Variants in POU2AF1 observed in about 807,000 individuals in gnomAD.
The protein encoded by POU2AF1 is POU class 2 homeobox associating factor 1, also known as POU domain class 2-associating factor 1.
A neutral mutation model predicts 26.3 loss-of-function variants in POU2AF1; 12 were observed. That is an observed-to-expected ratio of 0.46 (90% CI 0.29 to 0.74). POU2AF1 has a LOEUF of 0.74. Ranked by LOEUF, POU2AF1 falls within the 30% of genes least tolerant of loss-of-function variation. The pLI is 0.09. For synonymous variants in POU2AF1, 175 were observed against 148.0 expected (o/e 1.18, Z -1.32); for missense variants, 297 against 334.5 (o/e 0.89, Z 0.87).
In POU2AF1 at chr11:111,368,239, C is replaced by T. The variant is rs74531518; in HGVS notation, c.17-9321G>A. On this transcript the variant is annotated intron_variant, in intron 1 of 4. Coordinates refer to ENST00000393067, the MANE Select transcript of POU2AF1 (RefSeq NM_006235.3). ...GCTTGAACAAGCAGCAAACTGGGGC[C>T]CCAAGTCTGTAGAGACTGTATAGAG... Among the ~76,000 whole-genome samples the T allele has an allele frequency of 7.5e-3, 1,143 of 152,266 alleles. 19 individuals are homozygous for T. The highest frequency in any genetic ancestry group is 0.026 in the African/African-American group (1,086 of 41,554).
At chr11:111,365,560 C>G (rs754144769) in intron 1 of POU2AF1, among the ~76,000 whole-genome samples, 2 of 152,194 alleles carry the variant, frequency 1.3e-5, no homozygotes, top group Non-Finnish European at 2.9e-5. Context: ...ACGATTTTCT[C>G]TTTATTTGTA....
At chr11:111,354,647 G>C in intron 4 of POU2AF1, 72 bp from the exon 5 acceptor site, 1 of 1,303,214 alleles carries the variant, frequency 7.7e-7, no homozygotes. Flanking sequence ...TGCCCTTAGA[G>C]GGGTCTCCAT....
At chr11:111,376,058 G>T (rs1239864126) in intron 1 of POU2AF1, among the ~76,000 whole-genome samples, 1 of 152,192 alleles carries the variant, frequency 6.6e-6, no homozygotes, top group East Asian at 1.9e-4. Flanking sequence ...GTGTGGAAAA[G>T]AATATATGAA....
intron 1 of POU2AF1, among the ~76,000 whole-genome samples, chr11:111,369,961 A>G (rs888926186): frequency 6.6e-6 from 1 of 152,228 alleles, no homozygotes; most frequent in Non-Finnish European, 1.5e-5. Flanking sequence ...TGGCTTTTCA[A>G]GACTAAAGAG....
At chr11:111,358,352 TCA>T (rs555433557) in intron 2 of POU2AF1, among the ~76,000 whole-genome samples, 58,624 of 107,290 alleles carry the variant, frequency 0.55, 16,707 homozygotes, top group Admixed American at 0.67. Flanking sequence ...ACTCTCACAC[TCA>T]CACTCTCACA....
intron 1 of POU2AF1, among the ~76,000 whole-genome samples, chr11:111,365,650 A>G (rs1211170731): frequency 1.3e-5 from 2 of 152,218 alleles, no homozygotes; most frequent in Non-Finnish European, 2.9e-5. Flanking sequence ...TGAAGTCACA[A>G]TAGTCGTTGT....
Position 111,353,594 on chromosome 11 carries a change from A to G in POU2AF1, c.*667T>C. 4.3e-6 allele frequency: 1 copy of G among 233,506 alleles called. No individual in the cohort carries two copies. The allele number at this position is 233,506 out of a possible 1,614,324, so 14.5% of individuals were successfully genotyped here. A position where few individuals can be genotyped will look rare whatever the true frequency, so the allele number is the denominator to read the frequency against. On this transcript the variant is annotated 3_prime_UTR_variant, in exon 5 of 5. Transcript: ENST00000393067. ...AGCAACTGTGGGAACTGACAGCTCA[A>G]GGACTCTGGCATCAGGGTAGGCCCT...
intron 1 of POU2AF1, among the ~76,000 whole-genome samples, chr11:111,376,397 AG>A (rs1235496127): frequency 5.3e-5 from 8 of 152,352 alleles, no homozygotes; most frequent in African/African-American, 1.9e-4. Context: ...CCTGACCAGC[AG>A]GTCCAAGTCC....
chr11:111,358,328 TCA>T (rs553281766), intron 2 of POU2AF1, among the ~76,000 whole-genome samples: 2 of 119,902 alleles, frequency 1.7e-5, no homozygotes, highest in African/African-American at 3.0e-5. Context: ...ACGTACTCTC[TCA>T]CACACTCTCA....
At chr11:111,362,144 C>T (rs992169040) in intron 1 of POU2AF1, among the ~76,000 whole-genome samples, 3 of 152,154 alleles carry the variant, frequency 2.0e-5, no homozygotes, top group East Asian at 3.8e-4. Flanking sequence ...TCAGGGTCAC[C>T]CCATGGCCAC....
At chr11:111,377,273 G>A (rs1861326952) in intron 1 of POU2AF1, among the ~76,000 whole-genome samples, 2 of 151,700 alleles carry the variant, frequency 1.3e-5, no homozygotes, top group Admixed American at 6.6e-5. Context: ...CCAGCTACTA[G>A]GGAGGGTGAG....
intron 1 of POU2AF1, among the ~76,000 whole-genome samples, chr11:111,372,053 C>CAGAGAGAGAGAGAG (rs1452632987): frequency 5.5e-5 from 7 of 128,090 alleles, no homozygotes; most frequent in African/African-American, 1.7e-4. Context: ...CACACACACA[C>CAGAGAGAGAGAGAG]ACACACACAC....
chr11:111,369,347 T>A (rs560425201), intron 1 of POU2AF1, among the ~76,000 whole-genome samples: 7 of 152,208 alleles, frequency 4.6e-5, no homozygotes, highest in Non-Finnish European at 7.3e-5. Context: ...AAACCTTGGA[T>A]ATTTTTGAAT....
intron 1 of POU2AF1, among the ~76,000 whole-genome samples, chr11:111,372,647 A>G (rs1005428484): frequency 2.6e-5 from 4 of 152,324 alleles, no homozygotes; most frequent in African/African-American, 9.6e-5. Context: ...TGCTTCATGG[A>G]GTTTTTATGA....
intron 1 of POU2AF1, among the ~76,000 whole-genome samples, chr11:111,368,500 G>A (rs749608561): frequency 6.6e-6 from 1 of 152,120 alleles, no homozygotes; most frequent in Non-Finnish European, 1.5e-5. Flanking sequence ...AGGTTTCAGA[G>A]CTTCCATACT....
intron 1 of POU2AF1, chr11:111,364,422 G>C (rs1165802803): frequency 6.6e-6 from 1 of 152,226 alleles, no homozygotes; most frequent in Admixed American, 6.5e-5. Context: ...ATGGCACCTT[G>C]CAAACCACGT....
chr11:111,379,181 C>T lies in POU2AF1; in HGVS notation c.-4G>A, dbSNP rs749823194. 6.2e-7 allele frequency: 1 copy of T among 1,614,042 alleles called. No homozygotes were observed. Among genetic ancestry groups the T allele is most frequent in the Non-Finnish European group, 8.5e-7 (1 of 1,180,002 alleles). On this transcript the variant is annotated 5_prime_UTR_variant, in exon 1 of 5. Coordinates refer to ENST00000393067, the MANE Select transcript of POU2AF1 (RefSeq NM_006235.3). ...ACTTACGTTTTTGCCAGAGCATGGC[C>T]TGTGACAGGATGTTGCCTTTTCTCT... is the stretch of plus-strand genomic sequence containing the variant.
intron 1 of POU2AF1, among the ~76,000 whole-genome samples, chr11:111,362,680 A>T (rs1419358206): frequency 2.0e-5 from 3 of 152,126 alleles, no homozygotes; most frequent in Admixed American, 6.5e-5. Flanking sequence ...ACTTGTCTTC[A>T]GTTGGGTTCT....
At chr11:111,361,998 G>A (rs1861018285) in intron 1 of POU2AF1, among the ~76,000 whole-genome samples, 2 of 152,144 alleles carry the variant, frequency 1.3e-5, no homozygotes, top group Non-Finnish European at 2.9e-5. Context: ...CCTTCTGGGT[G>A]AGTCACTCTT....
Sources: allele counts gnomAD v4.1 joint callset (sites outside exome capture counted in the v4.1 genomes callset), GRCh38; gene constraint gnomAD v4.1.1; transcripts MANE v1.5; gene names NCBI Gene and HGNC (gene_info 2026-07-23, HGNC 2026-07-21).